Variants in OVCH1 observed in about 807,000 individuals in gnomAD.
The protein encoded by OVCH1 is ovochymase-1.
In OVCH1, 139 loss-of-function variants were observed where a neutral mutation model predicts 138.4. The ratio of observed to expected loss-of-function variants is 1.00; its 90% CI spans 0.87 to 1.16. The LOEUF (loss-of-function observed/expected upper bound fraction) is 1.16, where lower values mean the gene tolerates loss of function less well. OVCH1 is among the 50% of genes most tolerant of loss of function. OVCH1 has a pLI of 0.00. For synonymous variants in OVCH1, 453 were observed against 467.8 expected (o/e 0.97, Z 0.41); for missense variants, 1,367 against 1,357.9 (o/e 1.01, Z -0.11).
At chr12:29,454,308 A>G (rs532978026) in intron 21 of OVCH1, among the ~76,000 whole-genome samples, 16 of 152,256 alleles carry the variant, frequency 1.1e-4, no homozygotes, top group African/African-American at 3.4e-4. Context: ...GGGCAACAAA[A>G]GAAAGACTGA....
At chr12:29,488,620 CA>C (rs67595567) in intron 6 of OVCH1, among the ~76,000 whole-genome samples, 21,097 of 62,252 alleles carry the variant, frequency 0.34, 1,019 homozygotes, top group East Asian at 0.45. Flanking sequence ...GACTCCATCT[CA>C]AAAAAAAAAA....
chr12:29,466,843 T>C (rs1335358541), intron 16 of OVCH1, among the ~76,000 whole-genome samples: 4 of 152,294 alleles, frequency 2.6e-5, no homozygotes, highest in African/African-American at 9.6e-5. Flanking sequence ...TCACTTCTAC[T>C]TGGAGACTAA....
At chr12:29,415,120 T>C (rs1941015275) in intron 3 of OVCH1, among the ~76,000 whole-genome samples, 1 of 152,206 alleles carries the variant, frequency 6.6e-6, no homozygotes, top group African/African-American at 2.4e-5. Context: ...GGTACAGTTA[T>C]AGATAAGTTA....
intron 16 of OVCH1, among the ~76,000 whole-genome samples, 193 bp downstream of exon 16, chr12:29,471,609 A>C (rs1392405856): frequency 1.3e-5 from 2 of 152,246 alleles, no homozygotes; most frequent in African/African-American, 4.8e-5. Flanking sequence ...CGGGATAAGC[A>C]GTCAAGATTT....
chr12:29,452,153 C>G (rs1181748011), intron 21 of OVCH1, among the ~76,000 whole-genome samples: 1 of 152,160 alleles, frequency 6.6e-6, no homozygotes, highest in Non-Finnish European at 1.5e-5. Context: ...GTCCTTAACT[C>G]TCTCTTCTTC....
intron 23 of OVCH1, among the ~76,000 whole-genome samples, 176 bp from the exon 24 acceptor site, chr12:29,444,456 G>A (rs1305226391): frequency 6.6e-6 from 1 of 151,976 alleles, no homozygotes; most frequent in Non-Finnish European, 1.5e-5. Flanking sequence ...TATTCAAAAG[G>A]TATAGGAAAC....
At chr12:29,403,132 T>C in the OVCH1 span, among the ~76,000 whole-genome samples, 1 of 152,204 alleles carries the variant, frequency 6.6e-6, no homozygotes, top group Non-Finnish European at 1.5e-5. Context: ...TTTCATAATG[T>C]GGATGTACTA....
At chr12:29,437,613 A>C (rs2135911859) in intron 26 of OVCH1, among the ~76,000 whole-genome samples, 1 of 152,290 alleles carries the variant, frequency 6.6e-6, no homozygotes, top group African/African-American at 2.4e-5. Flanking sequence ...GATCCTAAGA[A>C]CTAGTATGCT....
At chr12:29,451,104 G>A (rs930916426) in intron 22 of OVCH1, among the ~76,000 whole-genome samples, 25 of 151,842 alleles carry the variant, frequency 1.6e-4, no homozygotes, top group Admixed American at 3.9e-4. Context: ...ACCACGGCAC[G>A]TGTATACCTT....
At position 29,486,306 on chromosome 12, in the gene OVCH1, T is replaced by C. The variant is rs750083123; in HGVS notation, c.935A>G (p.Tyr312Cys). ...GACAGAACTCAGGGCCTTTGTTATATACCTTGAGCCCACTTTTGAGAGGGG... is the reference window on the plus strand; with the variant it reads ...GACAGAACTCAGGGCCTTTGTTATACACCTTGAGCCCACTTTTGAGAGGGG... The change falls in exon 8 of 28, where the codon TAT becomes TGT. Residue 312 changes from tyrosine to cysteine, a missense_variant. Transcript: ENST00000318184. The C allele has an allele frequency of 5.6e-6, 9 of 1,613,822 alleles. No homozygotes were observed. The South Asian group carries it at 8.8e-5, about 16-fold the overall frequency.
At chr12:29,445,515 C>G in intron 22 of OVCH1, 112 bp from the exon 23 acceptor site, 2 of 1,091,556 alleles carry the variant, frequency 1.8e-6, no homozygotes, top group Non-Finnish European at 2.6e-6. Context: ...TGATTCCATT[C>G]TGTAAAATGA....
chr12:29,455,204 TAAAG>T lies in OVCH1; in HGVS notation c.2437+41_2437+44del, dbSNP rs752454437. 4.3e-5 allele frequency: 69 copies of T among 1,589,174 alleles called. 1 individual carries two copies. The Middle Eastern group carries it at 4.4e-3, about 101-fold the overall frequency. ...ACACTCACTGTTCCCAAACCCACTC[TAAAG>T]AAAGAGGTTATTGTTTTAATAACAT... On this transcript the variant is annotated intron_variant, in intron 20 of 27. Transcript: ENST00000318184.
At chr12:29,456,707 C>T (rs1355164684) in intron 19 of OVCH1, among the ~76,000 whole-genome samples, 2 of 152,304 alleles carry the variant, frequency 1.3e-5, no homozygotes, top group Middle Eastern at 3.4e-3. Context: ...GTATTTACAA[C>T]ATGTGCCCCA....
At chr12:29,404,601 A>G in the OVCH1 span, among the ~76,000 whole-genome samples, 11 of 152,198 alleles carry the variant, frequency 7.2e-5, no homozygotes, top group Admixed American at 6.5e-4. Flanking sequence ...TCTGCCATGA[A>G]GAAACTTTCA....
At chr12:29,493,850 G>T (rs968243124) in intron 4 of OVCH1, among the ~76,000 whole-genome samples, 1 of 152,060 alleles carries the variant, frequency 6.6e-6, no homozygotes, top group Non-Finnish European at 1.5e-5. Context: ...CTCTTTGATG[G>T]CAAATTTCTC....
chr12:29,478,973 G>T lies in OVCH1; in HGVS notation c.996-65C>A. On this transcript the variant is annotated intron_variant, in intron 8 of 27. Transcript: ENST00000318184. Reference sequence around the variant, plus strand: ...ATTATTTTCCAAACATATAAGCTGGGGTAGGGGAAGGTGAAGAAAATGTAA... The same window carrying T: ...ATTATTTTCCAAACATATAAGCTGGTGTAGGGGAAGGTGAAGAAAATGTAA... 5 of 1,121,582 alleles carry T rather than the reference G, an allele frequency of 4.5e-6. No individual in the cohort carries two copies. In the South Asian group the frequency reaches 6.7e-5, roughly 15 times the overall value. 69.5% of individuals were successfully genotyped at this position (1,121,582 alleles called of 1,614,324 possible).
At chr12:29,459,134 A>G (rs1391859266) in intron 19 of OVCH1, among the ~76,000 whole-genome samples, 2 of 152,184 alleles carry the variant, frequency 1.3e-5, no homozygotes, top group Admixed American at 1.3e-4. Context: ...ACTCCTAGGT[A>G]TACATCCAAA....
At chr12:29,461,295 T>C (rs1237426637) in intron 19 of OVCH1, among the ~76,000 whole-genome samples, 8 of 152,218 alleles carry the variant, frequency 5.3e-5, no homozygotes, top group Non-Finnish European at 1.2e-4. Flanking sequence ...CATTCTTCCA[T>C]TGACTTTGTG....
intron 16 of OVCH1, among the ~76,000 whole-genome samples, chr12:29,465,990 C>T (rs1243122696): frequency 4.0e-5 from 6 of 150,794 alleles, no homozygotes; most frequent in South Asian, 2.1e-4. Flanking sequence ...AGCAAACTAT[C>T]GCAAGGGCAA....
Sources: gnomAD v4.1 joint callset for allele counts (sites outside exome capture counted in the v4.1 genomes callset) on GRCh38, gnomAD v4.1.1 for gene constraint, MANE v1.5 for transcripts, NCBI Gene and HGNC (gene_info 2026-07-23, HGNC 2026-07-21) for gene names.